Variants in EML4 observed in about 807,000 individuals in gnomAD.
The protein encoded by EML4 is EMAP like 4, also known as echinoderm microtubule-associated protein-like 4.
In EML4, 72 loss-of-function variants were observed where a neutral mutation model predicts 129.0. That is an observed-to-expected ratio of 0.56 (90% CI 0.46 to 0.68). The LOEUF is 0.68. Among genes scored for constraint, EML4 ranks in the 30% least tolerant of loss-of-function variants. The pLI is 0.00. For missense variants in EML4, 1,363 were observed against 1,190.6 expected, an observed-to-expected ratio of 1.14 and a Z score of -2.13; for synonymous variants, 532 against 405.0, an observed-to-expected ratio of 1.31 and a Z score of -3.77.
At chr2:42,289,437 C>A (rs1035073983) in intron 11 of EML4, 3 of 151,790 alleles carry the variant, frequency 2.0e-5, no homozygotes, top group Admixed American at 2.0e-4. Context: ...TGCTGAGTCC[C>A]GTATCAGTTA....
chr2:42,313,313 A>G (rs1220027808), intron 17 of EML4, among the ~76,000 whole-genome samples: 1 of 152,198 alleles, frequency 6.6e-6, no homozygotes, highest in East Asian at 1.9e-4. Flanking sequence ...CCTTAAATGT[A>G]TAAAACTATG....
intron 13 of EML4, among the ~76,000 whole-genome samples, chr2:42,300,040 T>C (rs1237381060): frequency 6.6e-6 from 1 of 152,246 alleles, no homozygotes; most frequent in East Asian, 1.9e-4. Context: ...CATGTGTCAA[T>C]ACCTCATTCC....
At chr2:42,262,327 T>C (rs1298046097) in intron 4 of EML4, among the ~76,000 whole-genome samples, 1 of 152,182 alleles carries the variant, frequency 6.6e-6, no homozygotes, top group Non-Finnish European at 1.5e-5. Flanking sequence ...GGTTTGTAGT[T>C]TATCTGCCTG....
intron 19 of EML4, among the ~76,000 whole-genome samples, chr2:42,321,388 T>TA (rs954913581): frequency 2.7e-5 from 4 of 150,256 alleles, no homozygotes; most frequent in South Asian, 2.1e-4. Context: ...TCTGAAAAAA[T>TA]AAAAAAAAAG....
chr2:42,329,647 A>T lies in EML4; in HGVS notation c.2473-87A>T, dbSNP rs1468394117. 1.0e-5 allele frequency: 11 copies of T among 1,074,300 alleles called. No homozygotes were observed. In the African/African-American group the frequency reaches 1.2e-4, roughly 12 times the overall value. The allele number at this position is 1,074,300 out of a possible 1,614,324, so 66.5% of individuals were successfully genotyped here. Reference sequence around the variant, plus strand: ...ATTGCCCATTTCACAAGCTGAGTTTACCCCCCTTACGTATCACCTCCATTT... The same window carrying T: ...ATTGCCCATTTCACAAGCTGAGTTTTCCCCCCTTACGTATCACCTCCATTT... On this transcript the variant is annotated intron_variant, in intron 22 of 22. Transcript: ENST00000318522.
In EML4 at chr2:42,277,270, C is replaced by G. The variant is rs72798516; in HGVS notation, c.668-3580C>G. On this transcript the variant is annotated intron_variant, in intron 6 of 22. Transcript: ENST00000318522. ...AAAAACTAGAGGAAAAATTATATAA[C>G]AAGTTGACACTTAAAAGAGTAAACT... Among the ~76,000 whole-genome samples the G allele has an allele frequency of 6.5e-3, 983 of 152,260 alleles. 5 individuals carry two copies. The highest frequency in any genetic ancestry group is 0.027 in the Middle Eastern group (8 of 294).
At chr2:42,285,847 C>T in intron 9 of EML4, 1 of 178,390 alleles carries the variant, frequency 5.6e-6, no homozygotes, top group South Asian at 1.2e-4. Context: ...GATCCGCCCG[C>T]CTCGGCCTCC....
Position 42,265,382 on chromosome 2 carries a change from C to T in EML4, c.667+651C>T, listed in dbSNP as rs1049906959. On this transcript the variant is annotated intron_variant, in intron 6 of 22. Coordinates refer to ENST00000318522, the MANE Select transcript of EML4 (RefSeq NM_019063.5). Reference sequence around the variant, plus strand: ...AGCCTCCCAAAGTGCAGGGATTACACGCATGAGCCATGGCACCCGGCCAAT... The same window carrying T: ...AGCCTCCCAAAGTGCAGGGATTACATGCATGAGCCATGGCACCCGGCCAAT... Among the ~76,000 whole-genome samples the T allele has an allele frequency of 5.9e-5, 9 of 151,808 alleles. 1 individual carries two copies. The highest frequency in any genetic ancestry group is 2.2e-4 in the African/African-American group (9 of 41,316).
intron 1 of EML4, among the ~76,000 whole-genome samples, chr2:42,239,066 A>G (rs1302187373): frequency 6.6e-6 from 1 of 152,210 alleles, no homozygotes; most frequent in Non-Finnish European, 1.5e-5. Context: ...ATGGTTCTCA[A>G]TTATTTAATT....
Position 42,288,221 on chromosome 2 carries a change from C to G in EML4, c.1123-6C>G, listed in dbSNP as rs375251714. Reference sequence around the variant, plus strand: ...TTTAAAATGCCTCTGATTGACTTTTCTTTAGGATTCAGGTGTTCATTTATG... The same window carrying G: ...TTTAAAATGCCTCTGATTGACTTTTGTTTAGGATTCAGGTGTTCATTTATG... On this transcript the variant is annotated splice_polypyrimidine_tract_variant and splice_region_variant and intron_variant, in intron 10 of 22. Transcript: ENST00000318522. The G allele has an allele frequency of 1.5e-5, 19 of 1,286,946 alleles. No homozygotes were observed. The highest frequency in any genetic ancestry group is 3.0e-5 in the African/African-American group (2 of 66,954). 79.7% of individuals were successfully genotyped at this position (1,286,946 alleles called of 1,614,324 possible). A position where few individuals can be genotyped will look rare whatever the true frequency, so the allele number is the denominator to read the frequency against.
intron 13 of EML4, among the ~76,000 whole-genome samples, chr2:42,297,203 C>T (rs569193987): frequency 6.6e-6 from 1 of 152,220 alleles, no homozygotes; most frequent in Admixed American, 6.5e-5. Flanking sequence ...CTACTTTTCC[C>T]ATTTATTTCT....
In EML4 at chr2:42,211,786, C is replaced by T. The variant is rs1189766813; in HGVS notation, c.26-33719C>T. 3.9e-5 allele frequency among the ~76,000 whole-genome samples: 6 copies of T among 152,100 alleles called. No individual in the cohort carries two copies. The East Asian group carries it at 1.2e-3, about 29-fold the overall frequency. On this transcript the variant is annotated intron_variant, in intron 1 of 22. Coordinates refer to ENST00000318522, the MANE Select transcript of EML4 (RefSeq NM_019063.5). ...GTCTTGGTGGGTAATGTAAACTTAG[C>T]CTGGCAGCAAACGTAGTATTTTCTT... is the stretch of plus-strand genomic sequence containing the variant.
chr2:42,197,114 G>C (rs1396155227), intron 1 of EML4, among the ~76,000 whole-genome samples: 1 of 152,138 alleles, frequency 6.6e-6, no homozygotes, highest in Non-Finnish European at 1.5e-5. Flanking sequence ...CTGTCACCCA[G>C]GCTGAAGTGC....
intron 19 of EML4, 31 bp from the exon 20 acceptor site, chr2:42,325,436 G>C (rs1558614282): frequency 9.6e-7 from 1 of 1,046,626 alleles, no homozygotes; most frequent in Non-Finnish European, 1.5e-6. Flanking sequence ...AACTCTAAAT[G>C]CTTTCTAACA....
At chr2:42,273,715 AACT>A (rs1323460004) in intron 6 of EML4, among the ~76,000 whole-genome samples, 3 of 152,332 alleles carry the variant, frequency 2.0e-5, no homozygotes, top group South Asian at 2.1e-4. Flanking sequence ...TAGCTAATAA[AACT>A]ACTAATCTTT....
chr2:42,226,774 A>G (rs757394532), intron 1 of EML4, among the ~76,000 whole-genome samples: 13 of 152,184 alleles, frequency 8.5e-5, no homozygotes, highest in Non-Finnish European at 1.0e-4. Context: ...GAGATAATGC[A>G]TATGTTAAGT....
At chr2:42,224,426 C>T (rs189006412) in intron 1 of EML4, among the ~76,000 whole-genome samples, 2 of 152,178 alleles carry the variant, frequency 1.3e-5, no homozygotes, top group African/African-American at 4.8e-5. Flanking sequence ...TGGGTATAAC[C>T]GTGTGAGCAC....
At chr2:42,323,919 G>A (rs1222142696) in intron 19 of EML4, among the ~76,000 whole-genome samples, 2 of 151,604 alleles carry the variant, frequency 1.3e-5, no homozygotes, top group African/African-American at 4.9e-5. Context: ...ACTCCAGCCT[G>A]GGTGAACGAG....
chr2:42,253,697 GT>G (rs1286100053), intron 2 of EML4, among the ~76,000 whole-genome samples: 1 of 151,972 alleles, frequency 6.6e-6, no homozygotes, highest in East Asian at 1.9e-4. Flanking sequence ...CCTAATTCGA[GT>G]TATTAAAGTC....
Sources: gnomAD v4.1 joint callset for allele counts (sites outside exome capture counted in the v4.1 genomes callset) on GRCh38, gnomAD v4.1.1 for gene constraint, MANE v1.5 for transcripts, NCBI Gene and HGNC (gene_info 2026-07-23, HGNC 2026-07-21) for gene names.